Variants in PTPRM observed in about 807,000 individuals in gnomAD.
PTPRM encodes the protein protein tyrosine phosphatase receptor type M, also known as receptor-type tyrosine-protein phosphatase mu.
PTPRM carries 47 observed loss-of-function variants against 186.7 expected under a neutral mutation model. The ratio of observed to expected loss-of-function variants is 0.25; its 90% CI spans 0.20 to 0.32. The LOEUF (loss-of-function observed/expected upper bound fraction) is 0.32, where lower values mean the gene tolerates loss of function less well. Ranked by LOEUF, PTPRM falls within the 10% of genes least tolerant of loss-of-function variation. PTPRM has a pLI of 1.00. For synonymous variants in PTPRM, 668 were observed against 674.9 expected (o/e 0.99, Z 0.16); for missense variants, 1,494 against 1,865.0 (o/e 0.80, Z 3.66).
chr18:7,760,918 G>A (rs2144748725), intron 1 of PTPRM, among the ~76,000 whole-genome samples: 1 of 152,226 alleles, frequency 6.6e-6, no homozygotes, highest in East Asian at 1.9e-4. Flanking sequence ...ACACAGGCAA[G>A]GACAGGACTG....
At chr18:7,715,753 C>T (rs1292192627) in intron 1 of PTPRM, among the ~76,000 whole-genome samples, 1 of 152,160 alleles carries the variant, frequency 6.6e-6, no homozygotes, top group Non-Finnish European at 1.5e-5. Context: ...AATTTACATT[C>T]ACAATTGCTA....
rs181758009 is a variant in PTPRM at position 7,809,500 on chromosome 18, T to C, written c.196+35229T>C. ...CCCTTCTTCTCCAGCCCAGGTGCAC[T>C]GTCATGTGTTGCCCTTTCCAAGACA... On this transcript the variant is annotated intron_variant, in intron 2 of 32. Transcript: ENST00000580170. Among the ~76,000 whole-genome samples, 71 of 152,184 alleles carry C rather than the reference T, an allele frequency of 4.7e-4. No homozygotes were observed. In the East Asian group the frequency reaches 0.014, roughly 29 times the overall value.
chr18:8,254,228 T>G (rs2094554527), intron 19 of PTPRM, among the ~76,000 whole-genome samples: 1 of 152,206 alleles, frequency 6.6e-6, no homozygotes, highest in Non-Finnish European at 1.5e-5. Flanking sequence ...CAGGGACATT[T>G]CTGGGAATAA....
intron 22 of PTPRM, among the ~76,000 whole-genome samples, chr18:8,336,281 G>A (rs900433636): frequency 7.9e-5 from 12 of 151,968 alleles, no homozygotes; most frequent in African/African-American, 2.7e-4. Flanking sequence ...TTGTGAGGCT[G>A]GACACAGTGG....
intron 23 of PTPRM, among the ~76,000 whole-genome samples, chr18:8,363,980 C>T (rs1199986744): frequency 1.3e-5 from 2 of 152,098 alleles, no homozygotes; most frequent in African/African-American, 4.8e-5. Flanking sequence ...AAAACAGACG[C>T]TTTGTGAGGG....
intron 7 of PTPRM, among the ~76,000 whole-genome samples, chr18:8,030,101 T>C (rs2085865199): frequency 6.6e-6 from 1 of 152,352 alleles, no homozygotes; most frequent in South Asian, 2.1e-4. Context: ...ATCTGTGTTA[T>C]GTCTCTCTTC....
chr18:7,706,779 G>C (rs924137738), intron 1 of PTPRM, among the ~76,000 whole-genome samples: 1 of 152,036 alleles, frequency 6.6e-6, no homozygotes, highest in Admixed American at 6.6e-5. Context: ...TTCTACCTGT[G>C]TTATGAGATT....
chr18:8,024,925 C>T (rs1457978568), intron 7 of PTPRM, among the ~76,000 whole-genome samples: 1 of 152,008 alleles, frequency 6.6e-6, no homozygotes, highest in Non-Finnish European at 1.5e-5. Flanking sequence ...CTCAACCCAT[C>T]CTCCTGCTTT....
At chr18:7,908,710 A>G (rs1489231647) in intron 4 of PTPRM, among the ~76,000 whole-genome samples, 1 of 152,198 alleles carries the variant, frequency 6.6e-6, no homozygotes, top group African/African-American at 2.4e-5. Flanking sequence ...TGGGGAGTTC[A>G]AGAAGATTCC....
At chr18:7,999,140 G>A (rs557619405) in intron 7 of PTPRM, among the ~76,000 whole-genome samples, 13 of 152,248 alleles carry the variant, frequency 8.5e-5, no homozygotes, top group African/African-American at 1.4e-4. Context: ...GCTGCAGAGT[G>A]CACTCACATA....
At chr18:8,283,539 A>T (rs1395346344) in intron 19 of PTPRM, among the ~76,000 whole-genome samples, 1 of 152,186 alleles carries the variant, frequency 6.6e-6, no homozygotes, top group East Asian at 1.9e-4. Flanking sequence ...CATCTATGAG[A>T]CATTTTGGGT....
chr18:7,804,357 G>A (rs1412540353), intron 2 of PTPRM, among the ~76,000 whole-genome samples: 1 of 152,180 alleles, frequency 6.6e-6, no homozygotes, highest in African/African-American at 2.4e-5. Flanking sequence ...CCAGGGAGAT[G>A]TGATCTTGGG....
intron 1 of PTPRM, among the ~76,000 whole-genome samples, chr18:7,700,975 C>CAAAAAAAAA (rs1262649146): frequency 1.6e-5 from 1 of 60,980 alleles, no homozygotes; most frequent in Non-Finnish European, 3.1e-5. Flanking sequence ...GAGCCTATCT[C>CAAAAAAAAA]AAAAAAAAAA....
At chr18:7,730,450 C>T (rs780133065) in intron 1 of PTPRM, among the ~76,000 whole-genome samples, 127 of 152,188 alleles carry the variant, frequency 8.3e-4, no homozygotes, top group Non-Finnish European at 1.5e-3. Flanking sequence ...GTCCATATTA[C>T]CTTAAAGCAC....
intron 1 of PTPRM, among the ~76,000 whole-genome samples, chr18:7,716,941 C>A (rs1300377059): frequency 6.6e-6 from 1 of 152,130 alleles, no homozygotes; most frequent in Admixed American, 6.5e-5. Context: ...ACTAGAAAAC[C>A]ATTTGACCCA....
intron 1 of PTPRM, among the ~76,000 whole-genome samples, chr18:7,586,132 A>AT (rs2036972934): frequency 1.3e-5 from 2 of 152,210 alleles, no homozygotes; most frequent in South Asian, 4.1e-4. Context: ...AGATTTGAAC[A>AT]TTATCAGCTT....
chr18:7,678,771 A>T (rs1053015572), intron 1 of PTPRM, among the ~76,000 whole-genome samples: 5 of 152,214 alleles, frequency 3.3e-5, no homozygotes, highest in Admixed American at 1.3e-4. Context: ...TAATTGCAGC[A>T]TAATATTCTA....
chr18:8,115,533 G>A (rs1255279230), intron 13 of PTPRM, among the ~76,000 whole-genome samples: 1 of 152,184 alleles, frequency 6.6e-6, no homozygotes, highest in Non-Finnish European at 1.5e-5. Flanking sequence ...TATAAGAAAT[G>A]CTTTGAGAAA....
At chr18:7,812,429 T>A (rs1001758060) in intron 2 of PTPRM, among the ~76,000 whole-genome samples, 1 of 152,200 alleles carries the variant, frequency 6.6e-6, no homozygotes, top group African/African-American at 2.4e-5. Flanking sequence ...CATTCACATT[T>A]GTGGGACTGA....
Sources: allele counts gnomAD v4.1 joint callset (sites outside exome capture counted in the v4.1 genomes callset), GRCh38; gene constraint gnomAD v4.1.1; transcripts MANE v1.5; gene names NCBI Gene and HGNC (gene_info 2026-07-23, HGNC 2026-07-21).